The following SYNGR1 variants were observed in gnomAD, a reference collection of about 807,000 sequenced individuals.
The protein encoded by SYNGR1 is synaptogyrin-1.
A neutral mutation model predicts 26.1 loss-of-function variants in SYNGR1; 14 were observed. That is an observed-to-expected ratio of 0.54 (90% CI 0.35 to 0.84). SYNGR1 has a LOEUF of 0.84. Among genes scored for constraint, SYNGR1 ranks in the 40% least tolerant of loss-of-function variants. The pLI, the probability that SYNGR1 is intolerant of heterozygous loss-of-function variation, is 0.01. For missense variants in SYNGR1, 319 were observed against 332.9 expected, an observed-to-expected ratio of 0.96 and a Z score of 0.33; for synonymous variants, 141 against 150.1, an observed-to-expected ratio of 0.94 and a Z score of 0.44.
At chr22:39,356,360 G>A (rs951801893) in intron 1 of SYNGR1, among the ~76,000 whole-genome samples, 3 of 152,122 alleles carry the variant, frequency 2.0e-5, no homozygotes, top group Admixed American at 6.5e-5. Context: ...TGGCCTGAAT[G>A]CAAGTTTAAA....
At chr22:39,364,158 C>G (rs753306453) in intron 1 of SYNGR1, 1 of 1,611,760 alleles carries the variant, frequency 6.2e-7, no homozygotes, top group Non-Finnish European at 8.5e-7. Flanking sequence ...CACTGCGGGA[C>G]ACGGCTCAGG....
At chr22:39,362,525 C>T (rs1368877565) in intron 1 of SYNGR1, among the ~76,000 whole-genome samples, 2 of 152,088 alleles carry the variant, frequency 1.3e-5, no homozygotes, top group African/African-American at 2.4e-5. Context: ...TGTGTCCATG[C>T]GGCTTCAGCC....
intron 1 of SYNGR1, among the ~76,000 whole-genome samples, chr22:39,353,303 G>C (rs962554774): frequency 2.6e-5 from 4 of 152,202 alleles, no homozygotes; most frequent in African/African-American, 9.6e-5. Context: ...TGAGCCCCTG[G>C]GTCAGCCTGC....
chr22:39,364,905 C>T (rs1415067339), intron 1 of SYNGR1, among the ~76,000 whole-genome samples: 2 of 152,218 alleles, frequency 1.3e-5, no homozygotes, highest in African/African-American at 2.4e-5. Context: ...CTCCACCAAG[C>T]GCCATCTGGA....
intron 1 of SYNGR1, among the ~76,000 whole-genome samples, chr22:39,372,842 G>A (rs1483801599): frequency 6.6e-6 from 1 of 152,048 alleles, no homozygotes; most frequent in African/African-American, 2.4e-5. Context: ...TGGACTGAGG[G>A]GCTCAGTTCC....
At position 39,384,785 on chromosome 22, in the gene SYNGR1, G is replaced by T. The variant is rs542714908; in HGVS notation, c.*2871G>T. On this transcript the variant is annotated 3_prime_UTR_variant, in exon 4 of 4. Coordinates refer to ENST00000328933, the MANE Select transcript of SYNGR1 (RefSeq NM_004711.5). ...GCACAAGAGAGGGCCCAGGAAAAAA[G>T]GTTTCACATAAGTGTAGAGTCGCAA... The T allele has an allele frequency of 2.5e-6, 1 of 399,128 alleles. No homozygotes were observed. Among genetic ancestry groups the T allele is most frequent in the South Asian group, 1.3e-4 (1 of 7,856 alleles). The allele number at this position is 399,128 out of a possible 1,614,324, so 24.7% of individuals were successfully genotyped here.
intron 2 of SYNGR1, chr22:39,375,171 C>T (rs904301442): frequency 1.2e-5 from 2 of 161,142 alleles, no homozygotes; most frequent in African/African-American, 4.8e-5. Flanking sequence ...GCTTGGGTCC[C>T]CGGACTGGGA....
intron 1 of SYNGR1, among the ~76,000 whole-genome samples, chr22:39,367,973 T>G (rs1192834776): frequency 6.6e-6 from 1 of 152,182 alleles, no homozygotes; most frequent in Non-Finnish European, 1.5e-5. Flanking sequence ...CCTTCAGCCT[T>G]TGCACTTTCT....
At chr22:39,357,521 G>GCA (rs1924199199) in intron 1 of SYNGR1, among the ~76,000 whole-genome samples, 1 of 152,220 alleles carries the variant, frequency 6.6e-6, no homozygotes. Context: ...CCCTCAGCTT[G>GCA]CAGGGAGGTG....
In SYNGR1 at chr22:39,350,195, C is replaced by G; in HGVS notation, c.99+86C>G. 1 of 963,730 alleles carries G rather than the reference C, an allele frequency of 1.0e-6. No homozygotes were observed. The highest frequency in any genetic ancestry group is 1.3e-6 in the Non-Finnish European group (1 of 754,540). 59.7% of individuals were successfully genotyped at this position (963,730 alleles called of 1,614,324 possible). On this transcript the variant is annotated intron_variant, in intron 1 of 3. Transcript: ENST00000328933. This position sits in a 1 kb window ranked among gnomAD's most constrained non-coding sequence, Gnocchi z 4.3. ...GGCGCGCCCGGACCGACCCCGACCC[C>G]GACCCCAACGGGCCCCCGGCGGCGG...
At chr22:39,356,666 C>T (rs1924159046) in intron 1 of SYNGR1, among the ~76,000 whole-genome samples, 1 of 152,082 alleles carries the variant, frequency 6.6e-6, no homozygotes, top group Admixed American at 6.6e-5. Context: ...GAGGGAGCCA[C>T]ACTTGGCACC....
rs956798966 is a variant in SYNGR1 at position 39,381,157 on chromosome 22, G to A, written c.484-539G>A. ...CCTACAGACTTGGCTCATGGTCTTT[G>A]TGGTCCCTTTTGGCAATTAGAGCTC... On this transcript the variant is annotated intron_variant, in intron 3 of 3. Transcript: ENST00000328933. Among the ~76,000 whole-genome samples the A allele has an allele frequency of 4.6e-5, 7 of 152,252 alleles. No individual in the cohort carries two copies. In the South Asian group the frequency reaches 1.2e-3, roughly 27 times the overall value.
intron 1 of SYNGR1, among the ~76,000 whole-genome samples, chr22:39,373,138 TACACACACACACACAC>T (rs10548475): frequency 6.8e-6 from 1 of 146,318 alleles, no homozygotes; most frequent in African/African-American, 2.5e-5. Context: ...TTCTATTTAA[TACACACACACACACAC>T]ACACACACAC....
rs542431086 is a variant in SYNGR1 at position 39,355,458 on chromosome 22, G to A, written c.99+5349G>A. Among the ~76,000 whole-genome samples the A allele has an allele frequency of 2.6e-5, 4 of 152,330 alleles. 1 individual carries two copies. Among genetic ancestry groups the A allele is most frequent in the African/African-American group, 9.6e-5 (4 of 41,566 alleles). On this transcript the variant is annotated intron_variant, in intron 1 of 3. Transcript: ENST00000328933. ...TTCACCTCCTGTGGCCGGCCGCTCC[G>A]CCGCTTCTTCTCTCTCAGGTCTAGG...
intron 1 of SYNGR1, among the ~76,000 whole-genome samples, chr22:39,353,612 G>A (rs1485818033): frequency 6.6e-6 from 1 of 152,182 alleles, no homozygotes. Flanking sequence ...CCCACCCTCT[G>A]TGCCTCAGTC....
At chr22:39,364,069 C>G in intron 1 of SYNGR1, 1 of 1,498,170 alleles carries the variant, frequency 6.7e-7, no homozygotes. Flanking sequence ...TGCAGTGGGT[C>G]CTAGGCACAC....
intron 1 of SYNGR1, among the ~76,000 whole-genome samples, chr22:39,358,017 C>T (rs1436546946): frequency 6.6e-6 from 1 of 152,278 alleles, no homozygotes; most frequent in Non-Finnish European, 1.5e-5. Context: ...GCAGCTCCAC[C>T]TGCAGCCCCG....
chr22:39,368,039 G>T (rs953457449), intron 1 of SYNGR1, among the ~76,000 whole-genome samples: 2 of 152,118 alleles, frequency 1.3e-5, no homozygotes, highest in Admixed American at 1.3e-4. Flanking sequence ...GCTCATTCTT[G>T]TCTCCAATCG....
At chr22:39,371,629 A>G (rs1925023799) in intron 1 of SYNGR1, among the ~76,000 whole-genome samples, 1 of 152,082 alleles carries the variant, frequency 6.6e-6, no homozygotes, top group African/African-American at 2.4e-5. Flanking sequence ...CATCTCTACT[A>G]AAAATACAAA....
Sources: allele counts gnomAD v4.1 joint callset (sites outside exome capture counted in the v4.1 genomes callset), GRCh38; gene constraint gnomAD v4.1.1; non-coding constraint Gnocchi (gnomAD v3.1); transcripts MANE v1.5; gene names NCBI Gene and HGNC (gene_info 2026-07-23, HGNC 2026-07-21).